The following CARMIL1 variants were observed in gnomAD, a reference collection of about 807,000 sequenced individuals.
CARMIL1 encodes the protein F-actin-uncapping protein LRRC16A.
Under a neutral mutation model 177.1 loss-of-function variants are expected in CARMIL1, and 90 were observed. That is an observed-to-expected ratio of 0.51 (90% CI 0.43 to 0.61). The LOEUF (loss-of-function observed/expected upper bound fraction) is 0.61, where lower values mean the gene tolerates loss of function less well. CARMIL1 is among the 20% of genes least tolerant of loss of function. CARMIL1 has a pLI of 0.00. For synonymous variants in CARMIL1, 577 were observed against 606.2 expected, an observed-to-expected ratio of 0.95 and a Z score of 0.71; for missense variants, 1,380 against 1,667.0, an observed-to-expected ratio of 0.83 and a Z score of 3.00.
chr6:25,377,528 C>G (rs921478425), intron 2 of CARMIL1, among the ~76,000 whole-genome samples: 10 of 152,146 alleles, frequency 6.6e-5, no homozygotes, highest in African/African-American at 1.9e-4. Flanking sequence ...GGGATGTCTC[C>G]AAGGAATCCA....
chr6:25,416,422 G>C (rs1795363601), intron 2 of CARMIL1, among the ~76,000 whole-genome samples: 1 of 152,100 alleles, frequency 6.6e-6, no homozygotes, highest in Non-Finnish European at 1.5e-5. Context: ...ATCTCCATGT[G>C]CCTCTGTTTC....
At chr6:25,539,051 A>G (rs189954169) in intron 25 of CARMIL1, among the ~76,000 whole-genome samples, 2 of 151,918 alleles carry the variant, frequency 1.3e-5, no homozygotes, top group Non-Finnish European at 1.5e-5. Context: ...CACCCTATAC[A>G]TCTTCTGTTT....
chr6:25,557,326 G>T (rs1343879824), intron 29 of CARMIL1, among the ~76,000 whole-genome samples: 2 of 152,018 alleles, frequency 1.3e-5, no homozygotes, highest in Non-Finnish European at 2.9e-5. Flanking sequence ...TTTAGAAGAT[G>T]GAATGCACAC....
At chr6:25,365,542 G>A (rs1019022258) in intron 2 of CARMIL1, among the ~76,000 whole-genome samples, 3 of 151,994 alleles carry the variant, frequency 2.0e-5, no homozygotes, top group Non-Finnish European at 4.4e-5. Context: ...ATTGCCGTCC[G>A]CCCCCCTCAC....
intron 32 of CARMIL1, among the ~76,000 whole-genome samples, chr6:25,594,768 C>A (rs1814657311): frequency 6.6e-6 from 1 of 152,160 alleles, no homozygotes; most frequent in African/African-American, 2.4e-5. Flanking sequence ...TTGGGCCCAG[C>A]AATCTGTATT....
chr6:25,607,092 A>G (rs770369843), intron 35 of CARMIL1, among the ~76,000 whole-genome samples: 4 of 151,946 alleles, frequency 2.6e-5, no homozygotes, highest in Non-Finnish European at 5.9e-5. Context: ...GGCTGTGATC[A>G]CACTGTGACC....
intron 4 of CARMIL1, among the ~76,000 whole-genome samples, chr6:25,428,769 A>G (rs533502084): frequency 2.6e-5 from 4 of 152,240 alleles, no homozygotes; most frequent in East Asian, 3.9e-4. Flanking sequence ...TAAGTGTTTA[A>G]TATTTTTTGA....
At chr6:25,452,200 G>A (rs1799034062) in intron 8 of CARMIL1, 2 of 764,660 alleles carry the variant, frequency 2.6e-6, no homozygotes, top group Non-Finnish European at 4.8e-6. Flanking sequence ...TGGCTGATGG[G>A]CCTAAAGCCT....
At chr6:25,445,501 C>G (rs1798143044) in intron 5 of CARMIL1, among the ~76,000 whole-genome samples, 1 of 150,598 alleles carries the variant, frequency 6.6e-6, no homozygotes, top group Non-Finnish European at 1.5e-5. Flanking sequence ...GAATCACTAT[C>G]TATGGCTGCT....
intron 2 of CARMIL1, among the ~76,000 whole-genome samples, chr6:25,382,676 T>G (rs1037702633): frequency 6.6e-6 from 1 of 152,174 alleles, no homozygotes; most frequent in Non-Finnish European, 1.5e-5. Context: ...GAGTGCTGAT[T>G]GGTGCATTTA....
At chr6:25,369,381 T>TTG (rs1554179507) in intron 2 of CARMIL1, among the ~76,000 whole-genome samples, 2 of 82,880 alleles carry the variant, frequency 2.4e-5, no homozygotes, top group South Asian at 4.0e-4. Flanking sequence ...TGTATTTTGT[T>TTG]TTTTTTTTTT....
intron 4 of CARMIL1, among the ~76,000 whole-genome samples, chr6:25,433,788 T>C (rs1797005968): frequency 1.3e-5 from 2 of 152,228 alleles, no homozygotes; most frequent in South Asian, 4.1e-4. Context: ...AAAAGTAACA[T>C]CTGAAACACT....
intron 8 of CARMIL1, among the ~76,000 whole-genome samples, chr6:25,459,255 TTTCTTTCTTTC>T: frequency 3.3e-5 from 4 of 119,430 alleles, no homozygotes; most frequent in African/African-American, 1.2e-4. Context: ...TCTTTCTTTC[TTTCTTTCTTTC>T]TTTTTTTTTT....
chr6:25,407,273 A>G (rs528685218), intron 2 of CARMIL1, among the ~76,000 whole-genome samples: 290 of 152,304 alleles, frequency 1.9e-3, no homozygotes, highest in Non-Finnish European at 3.6e-3. Flanking sequence ...TGTAGGATCC[A>G]GGCATATAGC....
intron 2 of CARMIL1, among the ~76,000 whole-genome samples, chr6:25,406,815 T>C (rs1420580212): frequency 6.6e-6 from 1 of 152,124 alleles, no homozygotes. Flanking sequence ...TTGGAGTACA[T>C]ACAAGTGAAG....
Position 25,279,667 on chromosome 6 carries a change from C to T in CARMIL1, c.-129C>T, listed in dbSNP as rs547117087. ...CGCGGCAAAATTCTGTCTCCGCCCC[C>T]CCTTTTCTTGCCCACTTCCATTTGC... On this transcript the variant is annotated 5_prime_UTR_variant, in exon 1 of 37. Coordinates refer to ENST00000329474, the MANE Select transcript of CARMIL1 (RefSeq NM_017640.6). The T allele has an allele frequency of 2.4e-6, 2 of 837,446 alleles. No homozygotes were observed. Among genetic ancestry groups the T allele is most frequent in the Non-Finnish European group, 4.2e-6 (2 of 481,158 alleles). The allele number at this position is 837,446 out of a possible 1,614,324, so 51.9% of individuals were successfully genotyped here. A position where few individuals can be genotyped will look rare whatever the true frequency, so the allele number is the denominator to read the frequency against.
chr6:25,448,633 G>T (rs373363770), intron 5 of CARMIL1, among the ~76,000 whole-genome samples: 1 of 151,994 alleles, frequency 6.6e-6, no homozygotes. Context: ...CCTCGCTTTC[G>T]CCCTGAACTT....
chr6:25,477,375 A>T (rs373673562), intron 11 of CARMIL1, among the ~76,000 whole-genome samples: 1 of 152,144 alleles, frequency 6.6e-6, no homozygotes, highest in Non-Finnish European at 1.5e-5. Context: ...AGTATGACTT[A>T]GTAAGCAGAG....
intron 2 of CARMIL1, among the ~76,000 whole-genome samples, chr6:25,316,209 G>T (rs1784257742): frequency 6.6e-6 from 1 of 152,220 alleles, no homozygotes; most frequent in African/African-American, 2.4e-5. Flanking sequence ...TGTAAAACAG[G>T]TTAAAATTGC....
Sources: gnomAD v4.1 joint callset for allele counts (sites outside exome capture counted in the v4.1 genomes callset) on GRCh38, gnomAD v4.1.1 for gene constraint, MANE v1.5 for transcripts, NCBI Gene and HGNC (gene_info 2026-07-23, HGNC 2026-07-21) for gene names.